CACNA1E: variants seen among roughly 807,000 people sequenced by gnomAD.
The protein encoded by CACNA1E is calcium voltage-gated channel subunit alpha1 E.
CACNA1E carries 40 observed loss-of-function variants against 259.2 expected under a neutral mutation model. The ratio of observed to expected loss-of-function variants is 0.15; its 90% CI spans 0.12 to 0.20. The LOEUF is 0.20. CACNA1E is among the 10% of genes least tolerant of loss of function. The probability of loss-of-function intolerance (pLI) is 1.00; values close to 1 mark genes in which losing one functional copy is unlikely to be tolerated. For synonymous variants in CACNA1E, 1,104 were observed against 1,138.5 expected (o/e 0.97, Z 0.61); for missense variants, 1,874 against 3,040.1 (o/e 0.62, Z 9.02).
In CACNA1E at chr1:181,453,889, G is replaced by T. The variant is rs117742566; in HGVS notation, c.435-29855G>T. Among the ~76,000 whole-genome samples, 128 of 152,284 alleles carry T rather than the reference G, an allele frequency of 8.4e-4. 3 individuals are homozygous for T. The East Asian group carries it at 0.017, about 20-fold the overall frequency. ...TTGAGCCCTTAGCCCCTGATAGGCT[G>T]GTCACCCACCAGATCCACAGCAGGG... On this transcript the variant is annotated intron_variant, in intron 2 of 11. Transcript: ENST00000524607.
chr1:181,390,433 A>G (rs1159939439), intron 1 of CACNA1E, among the ~76,000 whole-genome samples: 1 of 152,088 alleles, frequency 6.6e-6, no homozygotes, highest in African/African-American at 2.4e-5. Context: ...ATTCAGTTCA[A>G]TAGACATTTG....
At chr1:181,542,100 A>G (rs1668627258) in intron 3 of CACNA1E, among the ~76,000 whole-genome samples, 1 of 152,178 alleles carries the variant, frequency 6.6e-6, no homozygotes, top group Admixed American at 6.5e-5. Flanking sequence ...GACTCCTGCC[A>G]AAGCCATGAG....
intron 15 of CACNA1E, 125 bp from the exon 16 acceptor site, chr1:181,721,633 C>G (rs1654423390): frequency 1.9e-6 from 1 of 525,286 alleles, no homozygotes; most frequent in South Asian, 3.7e-5. Context: ...TTTTTAACTC[C>G]CTGGCAAGAT....
chr1:181,638,485 G>T, intron 6 of CACNA1E, among the ~76,000 whole-genome samples: 1 of 152,088 alleles, frequency 6.6e-6, no homozygotes, highest in Middle Eastern at 3.2e-3. Flanking sequence ...TTGAGGAGAG[G>T]CCCAAGCTGG....
intron 38 of CACNA1E, among the ~76,000 whole-genome samples, chr1:181,778,487 G>A (rs540507881): frequency 1.1e-4 from 16 of 152,292 alleles, no homozygotes; most frequent in African/African-American, 3.6e-4. Flanking sequence ...ATGCACAGAG[G>A]TGGAGATGTT....
At chr1:181,641,705 T>TG (rs1657772290) in intron 6 of CACNA1E, among the ~76,000 whole-genome samples, 3 of 13,344 alleles carry the variant, frequency 2.2e-4, no homozygotes, top group Non-Finnish European at 8.2e-4. Context: ...AATTTTTTGT[T>TG]TTTTTTTTTT....
chr1:181,750,712 T>A (rs147108594), intron 26 of CACNA1E, among the ~76,000 whole-genome samples: 1 of 152,196 alleles, frequency 6.6e-6, no homozygotes, highest in African/African-American at 2.4e-5. Context: ...TTTAGGTATG[T>A]AGACAGATGA....
At position 181,790,524 on chromosome 1, in the gene CACNA1E, G is replaced by T; in HGVS notation, c.5866G>T (p.Asp1956Tyr). The T allele has an allele frequency of 6.2e-7, 1 of 1,611,664 alleles. No individual in the cohort carries two copies. Among genetic ancestry groups the T allele is most frequent in the Non-Finnish European group, 8.5e-7 (1 of 1,177,738 alleles). The change falls in exon 44 of 48, where the codon GAT becomes TAT. Residue 1956 changes from aspartate to tyrosine, a missense_variant. By Grantham distance (160) the Asp-to-Tyr change is radical. Transcript: ENST00000367573. Reference protein sequence around the residue: ...IFQLACMDPADDGQFQERQSL... With the variant: ...IFQLACMDPAYDGQFQERQSL... ...CCAGTTGGCTTGTATGGACCCCGCC[G>T]ATGACGGACAGTTCCAAGAACGGCA...
At chr1:181,455,831 G>A (rs892768425) in intron 2 of CACNA1E, among the ~76,000 whole-genome samples, 1 of 152,308 alleles carries the variant, frequency 6.6e-6, no homozygotes, top group Non-Finnish European at 1.5e-5. Flanking sequence ...GCCCTTGAAT[G>A]TGTCCCTAGC....
At chr1:181,438,957 G>A (rs1660265599) in intron 2 of CACNA1E, among the ~76,000 whole-genome samples, 2 of 152,228 alleles carry the variant, frequency 1.3e-5, no homozygotes, top group Admixed American at 6.5e-5. Flanking sequence ...GAGCATCTAT[G>A]GGAGGGATAT....
intron 1 of CACNA1E, among the ~76,000 whole-genome samples, chr1:181,323,338 A>G (rs1650516281): frequency 6.6e-6 from 1 of 152,202 alleles, no homozygotes; most frequent in Non-Finnish European, 1.5e-5. Flanking sequence ...GGCATAGTGG[A>G]TCTGGTCTTG....
intron 6 of CACNA1E, among the ~76,000 whole-genome samples, chr1:181,638,400 T>C (rs1657431230): frequency 6.6e-6 from 1 of 152,158 alleles, no homozygotes; most frequent in African/African-American, 2.4e-5. Flanking sequence ...TTCTCAAATA[T>C]ATTGTAAGTT....
intron 25 of CACNA1E, among the ~76,000 whole-genome samples, chr1:181,741,286 C>T (rs1656547824): frequency 6.6e-6 from 1 of 152,194 alleles, no homozygotes. Context: ...CCTCTACTTT[C>T]CAGCTTTGTG....
chr1:181,554,340 A>G (rs942808305), intron 3 of CACNA1E, among the ~76,000 whole-genome samples: 1 of 152,156 alleles, frequency 6.6e-6, no homozygotes, highest in African/African-American at 2.4e-5. Flanking sequence ...TCAGTAATCC[A>G]TATAATTTGG....
At chr1:181,704,514 G>A (rs1025893857) in intron 7 of CACNA1E, among the ~76,000 whole-genome samples, 2 of 152,122 alleles carry the variant, frequency 1.3e-5, no homozygotes, top group Non-Finnish European at 2.9e-5. Flanking sequence ...GTTTCCCTAT[G>A]GGTAGCAAAG....
At chr1:181,407,103 C>G (rs1657518538) in intron 1 of CACNA1E, among the ~76,000 whole-genome samples, 1 of 152,162 alleles carries the variant, frequency 6.6e-6, no homozygotes. Flanking sequence ...CTGTGTTTTC[C>G]TTGAGTCTTG....
chr1:181,476,365 T>C (rs1344990458), intron 2 of CACNA1E, among the ~76,000 whole-genome samples: 2 of 152,024 alleles, frequency 1.3e-5, no homozygotes, highest in African/African-American at 2.4e-5. Context: ...GATGGACAGG[T>C]GGTGGCTTAA....
rs762920383 is a variant in CACNA1E, at chr1:181,798,824, A to G, written c.6932A>G (p.Asp2311Gly). ...CTGCTAAGTGACACGGAAGAAGATG[A>G]CAAATGCTAGAGGCTGCTCCCCCCT... ...NNLLSDTEED[D>G]KC The change falls in exon 48 of 48, where the codon GAC becomes GGC. Residue 2311 changes from aspartate to glycine, a missense_variant. This residue lies in a region of CACNA1E where 542 missense variants were observed against 587.2 expected (regional missense o/e 0.92). Transcript: ENST00000367573. This position sits in a 1 kb window ranked among gnomAD's most constrained non-coding sequence, Gnocchi z 4.2. 4.6e-6 allele frequency: 7 copies of G among 1,520,062 alleles called. No homozygotes were observed. Among genetic ancestry groups the G allele is most frequent in the Non-Finnish European group, 5.3e-6 (6 of 1,135,524 alleles). 94.2% of individuals were successfully genotyped at this position (1,520,062 alleles called of 1,614,324 possible).
At chr1:181,471,896 C>T (rs1428205659) in intron 2 of CACNA1E, among the ~76,000 whole-genome samples, 1 of 152,140 alleles carries the variant, frequency 6.6e-6, no homozygotes, top group African/African-American at 2.4e-5. Context: ...GTCTTTCACC[C>T]TCAGTGAAAG....
Sources: allele counts gnomAD v4.1 joint callset (sites outside exome capture counted in the v4.1 genomes callset), GRCh38; gene constraint gnomAD v4.1.1; regional missense constraint gnomAD v4.1.1; non-coding constraint Gnocchi (gnomAD v3.1); transcripts MANE v1.5; gene names NCBI Gene and HGNC (gene_info 2026-07-23, HGNC 2026-07-21).